Variants in TAFA1 observed in about 807,000 individuals in gnomAD.
The protein encoded by TAFA1 is chemokine-like protein TAFA-1.
In TAFA1, 4 loss-of-function variants were observed where a neutral mutation model predicts 18.5. The observed-to-expected ratio is 0.22, with a 90% CI of 0.11 to 0.49. The LOEUF (loss-of-function observed/expected upper bound fraction) is 0.49. Ranked by LOEUF, TAFA1 falls within the 20% of genes least tolerant of loss-of-function variation. TAFA1 has a pLI of 0.98. For missense variants in TAFA1, 147 were observed against 169.0 expected (o/e 0.87, Z 0.72); for synonymous variants, 56 against 55.2 (o/e 1.01, Z -0.06).
chr3:68,051,829 C>A (rs2064474560), intron 2 of TAFA1, among the ~76,000 whole-genome samples: 1 of 151,850 alleles, frequency 6.6e-6, no homozygotes, highest in Admixed American at 6.6e-5. Context: ...AAAAAATACA[C>A]CAGGTAGCTA....
intron 3 of TAFA1, among the ~76,000 whole-genome samples, chr3:68,511,675 TA>T (rs969035269): frequency 1.2e-4 from 18 of 152,040 alleles, no homozygotes; most frequent in African/African-American, 4.3e-4. Context: ...TCACCAGGCT[TA>T]TGATAGTTGA....
intron 2 of TAFA1, among the ~76,000 whole-genome samples, chr3:68,125,349 GC>G (rs1448400726): frequency 6.6e-6 from 1 of 152,216 alleles, no homozygotes; most frequent in Non-Finnish European, 1.5e-5. Flanking sequence ...AGCTACCTGT[GC>G]TGCTATTGTG....
chr3:68,394,757 T>A (rs1340817112), intron 2 of TAFA1, among the ~76,000 whole-genome samples: 1 of 152,146 alleles, frequency 6.6e-6, no homozygotes, highest in Non-Finnish European at 1.5e-5. Flanking sequence ...TGCAGAAAAC[T>A]GAAACTGAAC....
chr3:68,084,811 A>C (rs931490135), intron 2 of TAFA1, among the ~76,000 whole-genome samples: 3 of 151,988 alleles, frequency 2.0e-5, no homozygotes, highest in Admixed American at 6.6e-5. Flanking sequence ...AAAAAAAAAA[A>C]ACCAAAAAAA....
chr3:68,151,857 A>G (rs2065810712), intron 2 of TAFA1, among the ~76,000 whole-genome samples: 1 of 152,190 alleles, frequency 6.6e-6, no homozygotes, highest in African/African-American at 2.4e-5. Flanking sequence ...AAACTTATAC[A>G]TTCTATGTCT....
intron 2 of TAFA1, among the ~76,000 whole-genome samples, chr3:68,300,266 T>G (rs2068279272): frequency 6.6e-6 from 1 of 152,160 alleles, no homozygotes; most frequent in African/African-American, 2.4e-5. Flanking sequence ...GACCTGGATG[T>G]GAGACATGGA....
intron 1 of TAFA1, chr3:68,006,392 A>C: frequency 2.0e-6 from 1 of 492,138 alleles, no homozygotes. Context: ...GCATTTTGCC[A>C]ATCCTTGGAG....
chr3:68,260,151 T>C (rs1311085373), intron 2 of TAFA1, among the ~76,000 whole-genome samples: 1 of 152,130 alleles, frequency 6.6e-6, no homozygotes, highest in Non-Finnish European at 1.5e-5. Flanking sequence ...GCATGAAGCG[T>C]TGTTGAATTT....
At chr3:68,034,226 T>C (rs1296557593) in intron 2 of TAFA1, among the ~76,000 whole-genome samples, 1 of 152,198 alleles carries the variant, frequency 6.6e-6, no homozygotes. Flanking sequence ...TGAGAGTCCC[T>C]GGAATGCTTC....
At chr3:68,392,966 C>T (rs543884787) in intron 2 of TAFA1, among the ~76,000 whole-genome samples, 3 of 152,142 alleles carry the variant, frequency 2.0e-5, no homozygotes, top group African/African-American at 7.2e-5. Context: ...CAAGAGCAAA[C>T]AAATTCACAA....
intron 2 of TAFA1, among the ~76,000 whole-genome samples, chr3:68,394,713 T>C (rs2070339073): frequency 6.6e-6 from 1 of 152,146 alleles, no homozygotes; most frequent in Non-Finnish European, 1.5e-5. Context: ...ATTCCCCATT[T>C]AATAAATGGT....
At chr3:68,071,362 G>T (rs2064753193) in intron 2 of TAFA1, among the ~76,000 whole-genome samples, 1 of 152,184 alleles carries the variant, frequency 6.6e-6, no homozygotes, top group South Asian at 2.1e-4. Context: ...CTGCCCCCGT[G>T]ATTCAACAAC....
chr3:68,383,696 T>A (rs1235685250), intron 2 of TAFA1, among the ~76,000 whole-genome samples: 1 of 152,160 alleles, frequency 6.6e-6, no homozygotes, highest in African/African-American at 2.4e-5. Context: ...GCTTACCACA[T>A]AGAATGAGGT....
intron 2 of TAFA1, among the ~76,000 whole-genome samples, chr3:68,403,344 G>T (rs936282471): frequency 6.6e-6 from 1 of 152,160 alleles, no homozygotes; most frequent in Non-Finnish European, 1.5e-5. Context: ...AATCTCATGG[G>T]CTTCAAACAG....
chr3:68,365,892 C>T (rs968709325), intron 2 of TAFA1, among the ~76,000 whole-genome samples: 6 of 152,050 alleles, frequency 3.9e-5, no homozygotes, highest in Admixed American at 3.9e-4. Flanking sequence ...TCGAGACCAA[C>T]CAGCCAACAT....
chr3:68,256,028 T>C (rs953362517), intron 2 of TAFA1, among the ~76,000 whole-genome samples: 1 of 152,142 alleles, frequency 6.6e-6, no homozygotes, highest in Non-Finnish European at 1.5e-5. Flanking sequence ...CTTTGATAAA[T>C]AGATACTATT....
chr3:68,458,297 C>T (rs1213762333), intron 3 of TAFA1, among the ~76,000 whole-genome samples: 2 of 152,126 alleles, frequency 1.3e-5, no homozygotes, highest in East Asian at 1.9e-4. Context: ...AGCCATGCTT[C>T]CTGTACAGTC....
At chr3:68,081,503 C>A (rs1300809465) in intron 2 of TAFA1, among the ~76,000 whole-genome samples, 1 of 151,764 alleles carries the variant, frequency 6.6e-6, no homozygotes, top group South Asian at 2.1e-4. Flanking sequence ...TGTGGATGTC[C>A]TTTCTGTTTG....
chr3:68,281,936 G>A (rs939498780), intron 2 of TAFA1, among the ~76,000 whole-genome samples: 1 of 152,160 alleles, frequency 6.6e-6, no homozygotes. Flanking sequence ...CTGAGACTGG[G>A]TTATTTATAA....
Sources: gnomAD v4.1 joint callset for allele counts (sites outside exome capture counted in the v4.1 genomes callset) on GRCh38, gnomAD v4.1.1 for gene constraint, MANE v1.5 for transcripts, NCBI Gene and HGNC (gene_info 2026-07-23, HGNC 2026-07-21) for gene names.